The following TMEM50A variants were observed in gnomAD, a reference collection of about 807,000 sequenced individuals.
TMEM50A encodes the protein cervical cancer oncogene 9.
In TMEM50A, 8 loss-of-function variants were observed where a neutral mutation model predicts 23.9. The ratio of observed to expected loss-of-function variants is 0.33; its 90% CI spans 0.20 to 0.60. The LOEUF is 0.60. Ranked by LOEUF, TMEM50A falls within the 20% of genes least tolerant of loss-of-function variation. The pLI is 0.81. For missense variants in TMEM50A, 178 were observed against 192.7 expected (o/e 0.92, Z 0.45); for synonymous variants, 55 against 60.4 (o/e 0.91, Z 0.41).
intron 2 of TMEM50A, among the ~76,000 whole-genome samples, chr1:25,341,545 C>T (rs1300658153): frequency 6.6e-6 from 1 of 152,078 alleles, no homozygotes; most frequent in Non-Finnish European, 1.5e-5. Flanking sequence ...CGCGCCTGGC[C>T]TTGCTCTTGT....
At chr1:25,343,220 A>C in intron 3 of TMEM50A, 147 bp downstream of exon 3, 1 of 598,174 alleles carries the variant, frequency 1.7e-6, no homozygotes. Context: ...AGATGGACTT[A>C]TACAGAAAAG....
At chr1:25,342,938 C>T (rs750613491) in intron 2 of TMEM50A, 23 bp from the exon 3 acceptor site, 11 of 1,590,834 alleles carry the variant, frequency 6.9e-6, no homozygotes, top group Admixed American at 1.7e-5. Context: ...TATGATTTCT[C>T]ATTGGTATCA....
intron 5 of TMEM50A, among the ~76,000 whole-genome samples, chr1:25,353,493 GC>G: frequency 6.6e-6 from 1 of 152,162 alleles, no homozygotes; most frequent in Non-Finnish European, 1.5e-5. Flanking sequence ...TGTTGCTAAG[GC>G]TGGCCTTGAA....
rs778784231 is a variant in TMEM50A at position 25,351,683 on chromosome 1, G to A, written c.264G>A (p.Leu88=). ...GTGATAGTTACAGTGAAGGTTGTCTGGGTCAAACAGGTAAATAGGTGCAAA... is the reference window on the plus strand; with the variant it reads ...GTGATAGTTACAGTGAAGGTTGTCTAGGTCAAACAGGTAAATAGGTGCAAA... ...VRGDSYSEGC[L]GQTGARIWLF... is the part of the protein sequence containing the mutation. Residue 88 remains leucine (L), a synonymous_variant, in exon 4 of 7, where the codon CTG becomes CTA. Transcript: ENST00000374358. The A allele has an allele frequency of 5.6e-6, 9 of 1,613,234 alleles. No individual in the cohort carries two copies. The East Asian group carries it at 1.1e-4, about 20-fold the overall frequency.
intron 5 of TMEM50A, among the ~76,000 whole-genome samples, chr1:25,355,893 T>A (rs547888319): frequency 1.3e-5 from 2 of 152,366 alleles, no homozygotes; most frequent in South Asian, 4.1e-4. Context: ...CCAAAAGCCC[T>A]AGATGGTGAA....
intron 5 of TMEM50A, 74 bp downstream of exon 5, chr1:25,353,048 A>G (rs1464378250): frequency 3.5e-6 from 5 of 1,430,732 alleles, no homozygotes; most frequent in East Asian, 2.4e-5. Flanking sequence ...TTATTTTAGA[A>G]TAAAATTTTT....
At chr1:25,357,324 A>T (rs1645343325) in intron 6 of TMEM50A, among the ~76,000 whole-genome samples, 1 of 152,208 alleles carries the variant, frequency 6.6e-6, no homozygotes, top group Non-Finnish European at 1.5e-5. Flanking sequence ...TTCAATTACA[A>T]ATGAAAAGAT....
intron 3 of TMEM50A, 89 bp from the exon 4 acceptor site, chr1:25,351,537 C>T: frequency 8.6e-7 from 1 of 1,158,732 alleles, no homozygotes; most frequent in Non-Finnish European, 1.2e-6. Context: ...ACTTTCAGGC[C>T]TAACCTTACA....
At chr1:25,338,556 G>C (rs1645127405) in intron 1 of TMEM50A, 100 bp downstream of exon 1, 1 of 152,552 alleles carries the variant, frequency 6.6e-6, no homozygotes, top group Non-Finnish European at 1.5e-5. Context: ...CACAGCACAG[G>C]CTCGTTGCCG....
In TMEM50A at chr1:25,343,165, T is replaced by C. The variant is rs3093588; in HGVS notation, c.206+92T>C. The C allele has an allele frequency of 0.021, 19,875 of 958,866 alleles. 2,287 individuals carry two copies. The African/African-American group carries it at 0.27, about 13-fold the overall frequency. The allele number at this position is 958,866 out of a possible 1,614,324, so 59.4% of individuals were successfully genotyped here. On this transcript the variant is annotated intron_variant, in intron 3 of 6. Transcript: ENST00000374358. ...TTGCATAGATTTAAAATTCTAAATA[T>C]TATCAGATTAACACACTGGACATGA...
At position 25,345,883 on chromosome 1, in the gene TMEM50A, G is replaced by A. The variant is rs924650886; in HGVS notation, c.206+2810G>A. 2.3e-4 allele frequency among the ~76,000 whole-genome samples: 35 copies of A among 151,696 alleles called. 1 individual carries two copies. Among genetic ancestry groups the A allele is most frequent in the Admixed American group, 2.2e-3 (33 of 15,242 alleles). Reference sequence around the variant, plus strand: ...GCTCACTGCAACCTCCACCTCCCAGGCTCAATTGATTCTCCTGCATCAGCC... The same window carrying A: ...GCTCACTGCAACCTCCACCTCCCAGACTCAATTGATTCTCCTGCATCAGCC... On this transcript the variant is annotated intron_variant, in intron 3 of 6. Transcript: ENST00000374358.
chr1:25,356,654 T>TA (rs1222032350), intron 5 of TMEM50A, 139 bp from the exon 6 acceptor site: 1 of 623,918 alleles, frequency 1.6e-6, no homozygotes, highest in Non-Finnish European at 2.8e-6. Context: ...TGTTACACAT[T>TA]ATGTCTTTTA....
chr1:25,352,789 T>C, intron 4 of TMEM50A, 93 bp from the exon 5 acceptor site: 1 of 1,173,150 alleles, frequency 8.5e-7, no homozygotes. Context: ...CAGTTGCACT[T>C]TTTTTTTTTC....
At chr1:25,352,356 G>A (rs565548670) in intron 4 of TMEM50A, among the ~76,000 whole-genome samples, 4 of 152,062 alleles carry the variant, frequency 2.6e-5, no homozygotes, top group East Asian at 1.9e-4. Context: ...TCAGCTGGGC[G>A]TGGTGGCGGG....
At chr1:25,348,706 T>C (rs984637977) in intron 3 of TMEM50A, among the ~76,000 whole-genome samples, 2 of 151,072 alleles carry the variant, frequency 1.3e-5, no homozygotes, top group Non-Finnish European at 3.0e-5. Flanking sequence ...AAGTAGGATA[T>C]GCCAATAAGC....
At chr1:25,351,591 GA>G in intron 3 of TMEM50A, 34 bp from the exon 4 acceptor site, 1 of 1,565,610 alleles carries the variant, frequency 6.4e-7, no homozygotes, top group Non-Finnish European at 8.7e-7. Context: ...TGGTGTCATG[GA>G]CCCTGATTTC....
chr1:25,355,625 C>T (rs757637281), intron 5 of TMEM50A, among the ~76,000 whole-genome samples: 5 of 152,094 alleles, frequency 3.3e-5, no homozygotes, highest in Non-Finnish European at 5.9e-5. Flanking sequence ...GGTTATTTAA[C>T]GTGAAATAGT....
Position 25,350,631 on chromosome 1 carries a change from G to A in TMEM50A, c.207-995G>A, listed in dbSNP as rs1196637410. ...TTGAACTCCTCACCTCAGGTGATCC[G>A]CCCACCTTGGCCTCCCAAAGTGCTG... On this transcript the variant is annotated intron_variant, in intron 3 of 6. Coordinates refer to ENST00000374358, the MANE Select transcript of TMEM50A (RefSeq NM_014313.4). Among the ~76,000 whole-genome samples, 6 of 151,846 alleles carry A rather than the reference G, an allele frequency of 4.0e-5. No homozygotes were observed. In the East Asian group the frequency reaches 5.9e-4, roughly 15 times the overall value.
chr1:25,341,069 A>C (rs1645162579), intron 2 of TMEM50A, among the ~76,000 whole-genome samples: 5 of 152,216 alleles, frequency 3.3e-5, no homozygotes, highest in Admixed American at 3.3e-4. Context: ...AACAAAAAGG[A>C]AACTCATTAA....
Sources: gnomAD v4.1 joint callset for allele counts (sites outside exome capture counted in the v4.1 genomes callset) on GRCh38, gnomAD v4.1.1 for gene constraint, MANE v1.5 for transcripts, NCBI Gene and HGNC (gene_info 2026-07-23, HGNC 2026-07-21) for gene names.